The following MGST2 variants were observed in gnomAD, a reference collection of about 807,000 sequenced individuals.
MGST2 encodes microsomal glutathione S-transferase 2.
A neutral mutation model predicts 16.6 loss-of-function variants in MGST2; 9 were observed. The ratio of observed to expected loss-of-function variants is 0.54; its 90% CI spans 0.33 to 0.95. MGST2 has a LOEUF of 0.95. Among genes scored for constraint, MGST2 ranks in the 40% least tolerant of loss-of-function variants. The probability of loss-of-function intolerance (pLI) is 0.03; values close to 1 mark genes in which losing one functional copy is unlikely to be tolerated. For synonymous variants in MGST2, 79 were observed against 68.0 expected (o/e 1.16, Z -0.79); for missense variants, 159 against 175.1 (o/e 0.91, Z 0.52).
At chr4:139,746,604 G>A in the MGST2 span, among the ~76,000 whole-genome samples, 2,433 of 152,098 alleles carry the variant, frequency 0.016, 68 homozygotes, top group African/African-American at 0.056. Flanking sequence ...TGTCTCTCTC[G>A]CTCTGCGGGC....
At chr4:139,718,954 G>T in intron 5 of MGST2, 1 of 197,442 alleles carries the variant, frequency 5.1e-6, no homozygotes, top group Non-Finnish European at 1.0e-5. Context: ...AGGAGGGGCT[G>T]AGGATACCTC....
intron 5 of MGST2, among the ~76,000 whole-genome samples, chr4:139,739,533 C>T (rs1408876225): frequency 1.3e-5 from 2 of 152,032 alleles, no homozygotes; most frequent in South Asian, 2.1e-4. Context: ...CATTAGTGTA[C>T]AACAATAGAA....
chr4:139,750,422 A>G, the MGST2 span, among the ~76,000 whole-genome samples: 3 of 152,230 alleles, frequency 2.0e-5, no homozygotes, highest in Non-Finnish European at 4.4e-5. Flanking sequence ...CTGCCTCTGC[A>G]CTAAATGCAA....
chr4:139,719,342 T>C, intron 5 of MGST2: 13 of 1,594,566 alleles, frequency 8.2e-6, no homozygotes, highest in Non-Finnish European at 1.1e-5. Context: ...ACCAAACAAT[T>C]CATCAAGCTC....
intron 3 of MGST2, among the ~76,000 whole-genome samples, chr4:139,703,046 T>C (rs1727359465): frequency 6.6e-6 from 1 of 151,466 alleles, no homozygotes; most frequent in Non-Finnish European, 1.5e-5. Flanking sequence ...CTGCCTCAGC[T>C]TCCTGAGTAG....
chr4:139,704,278 A>G, downstream of MGST2: 8 of 1,167,678 alleles, frequency 6.9e-6, no homozygotes, highest in Non-Finnish European at 8.7e-6. Context: ...CACACACTTT[A>G]GAGAATACAT....
At chr4:139,672,967 C>T (rs761800715) in intron 1 of MGST2, among the ~76,000 whole-genome samples, 3 of 152,178 alleles carry the variant, frequency 2.0e-5, no homozygotes, top group Non-Finnish European at 4.4e-5. Flanking sequence ...GCCCTTGCTA[C>T]ACCAGGATCA....
downstream of MGST2, among the ~76,000 whole-genome samples, chr4:139,743,169 C>T (rs1729218480): frequency 6.6e-6 from 1 of 152,220 alleles, no homozygotes. Flanking sequence ...CACGTCTCCA[C>T]CTAAAGTTAC....
chr4:139,682,557 A>G (rs972058259), intron 2 of MGST2, among the ~76,000 whole-genome samples: 1 of 152,218 alleles, frequency 6.6e-6, no homozygotes, highest in African/African-American at 2.4e-5. Flanking sequence ...CTTAAAGGCC[A>G]CTGTAGGGGA....
Position 139,719,544 on chromosome 4 carries a change from C to T in MGST2, c.*48+15348C>T, listed in dbSNP as rs751215422. 7.4e-6 allele frequency: 12 copies of T among 1,613,730 alleles called. No individual in the cohort carries two copies. In the East Asian group the frequency reaches 2.2e-4, roughly 30 times the overall value. On this transcript the variant is annotated intron_variant, in intron 5 of 5. Transcript: ENST00000616265. ...CTGCCACTGGGTATCTGCTGCTGTG[C>T]TGGGGGCTGGCTGAACGCTGGCATG...
chr4:139,717,764 A>C (rs1485821570), intron 5 of MGST2: 1 of 152,202 alleles, frequency 6.6e-6, no homozygotes, highest in Non-Finnish European at 1.5e-5. Flanking sequence ...CGGAGGGAGG[A>C]GGGGACAGGA....
chr4:139,678,185 C>A (rs1344599202), intron 1 of MGST2, among the ~76,000 whole-genome samples: 1 of 152,156 alleles, frequency 6.6e-6, no homozygotes, highest in African/African-American at 2.4e-5. Flanking sequence ...TTTCAGTGAA[C>A]CTCCAGGGGG....
intron 5 of MGST2, among the ~76,000 whole-genome samples, chr4:139,721,996 T>C (rs1228252183): frequency 6.6e-6 from 1 of 152,138 alleles, no homozygotes; most frequent in Non-Finnish European, 1.5e-5. Context: ...GAGTCAGAGA[T>C]TGATTGGATA....
intron 1 of MGST2, among the ~76,000 whole-genome samples, chr4:139,677,456 A>G (rs1384137457): frequency 2.0e-5 from 3 of 152,136 alleles, no homozygotes; most frequent in African/African-American, 7.2e-5. Flanking sequence ...TGAGTCCTTG[A>G]TAAGCCTTTC....
intron 5 of MGST2, among the ~76,000 whole-genome samples, chr4:139,724,899 C>T (rs1728402554): frequency 6.6e-6 from 1 of 151,512 alleles, no homozygotes; most frequent in South Asian, 2.1e-4. Context: ...ACTGAGATTA[C>T]AGGTATGCAT....
intron 5 of MGST2, among the ~76,000 whole-genome samples, chr4:139,732,355 G>T (rs1383858500): frequency 2.0e-5 from 3 of 152,094 alleles, no homozygotes; most frequent in South Asian, 4.1e-4. Flanking sequence ...GAACCATGCA[G>T]GCTTCCCTCT....
At chr4:139,675,087 T>C (rs1179918633) in intron 1 of MGST2, among the ~76,000 whole-genome samples, 3 of 152,188 alleles carry the variant, frequency 2.0e-5, no homozygotes, top group Non-Finnish European at 4.4e-5. Context: ...CTCAAGAACT[T>C]ATGTGAAGAC....
the MGST2 span, among the ~76,000 whole-genome samples, chr4:139,751,994 C>G: frequency 6.6e-6 from 1 of 152,180 alleles, no homozygotes; most frequent in Non-Finnish European, 1.5e-5. Context: ...CTGAGCCCAG[C>G]AGCAGAAATC....
At position 139,719,466 on chromosome 4, in the gene MGST2, C is replaced by T. The variant is rs548759728; in HGVS notation, c.*48+15270C>T. The T allele has an allele frequency of 4.6e-5, 74 of 1,614,018 alleles. No individual in the cohort carries two copies. In the South Asian group the frequency reaches 5.2e-4, roughly 11 times the overall value. On this transcript the variant is annotated intron_variant, in intron 5 of 5. Transcript: ENST00000616265. The stretch of plus-strand genomic sequence containing the variant: ...CCGTCGCCACTGTAATTGTATGACA[C>T]GTCCTGAGGGGCATTCCGCTCATAG...
Sources: gnomAD v4.1 joint callset for allele counts (sites outside exome capture counted in the v4.1 genomes callset) on GRCh38, gnomAD v4.1.1 for gene constraint, MANE v1.5 for transcripts, NCBI Gene and HGNC (gene_info 2026-07-23, HGNC 2026-07-21) for gene names.